BMPR1A: variants seen among roughly 807,000 people sequenced by gnomAD.
BMPR1A encodes the protein bone morphogenetic protein receptor type 1A.
In BMPR1A, 7 loss-of-function variants were observed where a neutral mutation model predicts 66.0. That is an observed-to-expected ratio of 0.11 (90% CI 0.06 to 0.20). The LOEUF is 0.20. BMPR1A is among the 10% of genes least tolerant of loss of function. The pLI is 1.00. For missense variants in BMPR1A, 408 were observed against 669.1 expected (o/e 0.61, Z 4.31); for synonymous variants, 200 against 229.7 (o/e 0.87, Z 1.17).
downstream of BMPR1A, chr10:86,932,174 A>T (rs141913278): frequency 6.6e-6 from 1 of 152,236 alleles, no homozygotes; most frequent in Non-Finnish European, 1.5e-5. Flanking sequence ...TGTATCGTGT[A>T]TGCACACATT....
At position 86,790,171 on chromosome 10, in the gene BMPR1A, AAAAAAAAAAAAAAAAAAATAT is replaced by A. The variant is rs1256371039; in HGVS notation, c.-268+33254_-268+33274del. Among the ~76,000 whole-genome samples the A allele has an allele frequency of 2.4e-3, 83 of 34,134 alleles. 5 individuals are homozygous for A. The highest frequency in any genetic ancestry group is 0.011 in the African/African-American group (63 of 5,788). The allele number at this position is 34,134 out of a possible 152,430, so 22.4% of individuals were successfully genotyped here. A position where few individuals can be genotyped will look rare whatever the true frequency, so the allele number is the denominator to read the frequency against. On this transcript the variant is annotated intron_variant, in intron 1 of 12. Transcript: ENST00000372037. ...AGCGAGACTCTGTCTCCAAAAAAAAAAAAAAAAAAAAAAAAAAATATATATATATATATATATATATATATA... is the reference window on the plus strand; with the variant it reads ...AGCGAGACTCTGTCTCCAAAAAAAAAATATATATATATATATATATATATA...
At chr10:86,915,806 T>C (rs1843560499) in intron 8 of BMPR1A, among the ~76,000 whole-genome samples, 1 of 152,206 alleles carries the variant, frequency 6.6e-6, no homozygotes, top group African/African-American at 2.4e-5. Flanking sequence ...CTAAATCTAG[T>C]CCATTTTAGA....
chr10:86,926,963 A>T lies in BMPR1A; in HGVS notation c.*3244A>T, dbSNP rs533656817. 5 of 189,418 alleles carry T rather than the reference A, an allele frequency of 2.6e-5. No homozygotes were observed. Among genetic ancestry groups the T allele is most frequent in the Non-Finnish European group, 2.2e-5 (2 of 90,252 alleles). The allele number at this position is 189,418 out of a possible 1,614,324, so 11.7% of individuals were successfully genotyped here. ...GTGCTTTTTACTGAACAAGTTTCTG[A>T]TGTATAAAACTTGCATCTGATTTCT... On this transcript the variant is annotated 3_prime_UTR_variant, in exon 13 of 13. Transcript: ENST00000372037.
At chr10:86,778,429 C>T (rs988081964) in intron 1 of BMPR1A, among the ~76,000 whole-genome samples, 6 of 151,912 alleles carry the variant, frequency 3.9e-5, no homozygotes, top group Non-Finnish European at 5.9e-5. Context: ...AGATGTGAGC[C>T]ACCGTGCCTG....
At position 86,823,128 on chromosome 10, in the gene BMPR1A, A is replaced by G. The variant is rs574824875; in HGVS notation, c.-267-15737A>G. Among the ~76,000 whole-genome samples, 9 of 152,300 alleles carry G rather than the reference A, an allele frequency of 5.9e-5. No homozygotes were observed. In the East Asian group the frequency reaches 1.2e-3, roughly 20 times the overall value. ...AATCAACCAGCAAGTGTTTGATGCT[A>G]TTATTAGGCAATGTTATTAAATAAT... On this transcript the variant is annotated intron_variant, in intron 1 of 12. Transcript: ENST00000372037.
At chr10:86,801,721 C>T (rs900059873) in intron 1 of BMPR1A, among the ~76,000 whole-genome samples, 1 of 151,358 alleles carries the variant, frequency 6.6e-6, no homozygotes, top group Non-Finnish European at 1.5e-5. Flanking sequence ...CTGCCTTATT[C>T]TTTTTTTTGT....
At position 86,923,525 on chromosome 10, in the gene BMPR1A, C is replaced by A. The variant is rs754418526; in HGVS notation, c.1473+19C>A. On this transcript the variant is annotated intron_variant, in intron 12 of 12. Transcript: ENST00000372037. ...TGATGAAGTGAGTGGAACTCAGTCCCCTGAAGAAGTGATTCGTAAATGCCA... is the reference window on the plus strand; with the variant it reads ...TGATGAAGTGAGTGGAACTCAGTCCACTGAAGAAGTGATTCGTAAATGCCA... 1.9e-6 allele frequency: 3 copies of A among 1,614,014 alleles called. No individual in the cohort carries two copies. In the Admixed American group the frequency reaches 5.0e-5, roughly 27 times the overall value.
chr10:86,855,231 T>G, intron 2 of BMPR1A: 2 of 1,008,734 alleles, frequency 2.0e-6, no homozygotes, highest in Non-Finnish European at 2.7e-6. Flanking sequence ...CAGAGAGGCT[T>G]CAGGTTTCAG....
chr10:86,845,865 C>T (rs991892063), intron 2 of BMPR1A, among the ~76,000 whole-genome samples: 5 of 151,822 alleles, frequency 3.3e-5, no homozygotes, highest in African/African-American at 9.7e-5. Context: ...GGTGTGATGG[C>T]GGGCGCCTGT....
intron 2 of BMPR1A, among the ~76,000 whole-genome samples, chr10:86,842,490 G>A (rs970941581): frequency 3.9e-5 from 6 of 152,200 alleles, no homozygotes; most frequent in Admixed American, 1.3e-4. Flanking sequence ...GAGAGTTTGA[G>A]GGACAAGGCT....
intron 7 of BMPR1A, among the ~76,000 whole-genome samples, chr10:86,906,485 C>T (rs1589285724): frequency 2.5e-5 from 1 of 40,076 alleles, no homozygotes; most frequent in Non-Finnish European, 3.8e-5. Context: ...TTTGGGAGGC[C>T]GAGGCGGGCG....
In BMPR1A at chr10:86,906,584, C is replaced by T. The variant is rs572623422; in HGVS notation, c.531-5656C>T. The stretch of plus-strand genomic sequence containing the variant: ...AATACAAAAAAAGAAATTAGCCAGG[C>T]GTGGTGGCGGGCGCCTGTAGTCCCA... On this transcript the variant is annotated intron_variant, in intron 7 of 12. Transcript: ENST00000372037. Among the ~76,000 whole-genome samples the T allele has an allele frequency of 7.1e-5, 6 of 84,428 alleles. 2 individuals are homozygous for T. Among genetic ancestry groups the T allele is most frequent in the African/African-American group, 3.3e-4 (4 of 11,974 alleles). The allele number at this position is 84,428 out of a possible 152,430, so 55.4% of individuals were successfully genotyped here.
At chr10:86,854,543 C>T (rs1037917271) in intron 2 of BMPR1A, among the ~76,000 whole-genome samples, 1 of 152,234 alleles carries the variant, frequency 6.6e-6, no homozygotes, top group Non-Finnish European at 1.5e-5. Flanking sequence ...TCCATGAAAT[C>T]TTCACAATCC....
chr10:86,777,569 G>C (rs1841371342), intron 1 of BMPR1A, among the ~76,000 whole-genome samples: 1 of 151,516 alleles, frequency 6.6e-6, no homozygotes, highest in African/African-American at 2.4e-5. Flanking sequence ...GACTGAGCCT[G>C]ACCCTGTCTC....
At chr10:86,805,428 A>G (rs1012813202) in intron 1 of BMPR1A, among the ~76,000 whole-genome samples, 1 of 128,204 alleles carries the variant, frequency 7.8e-6, no homozygotes, top group Non-Finnish European at 1.7e-5. Context: ...GGTTGTATAT[A>G]TTATGCCCCT....
At chr10:86,760,209 T>A (rs1243069666) in intron 1 of BMPR1A, among the ~76,000 whole-genome samples, 11 of 128,362 alleles carry the variant, frequency 8.6e-5, no homozygotes, top group Admixed American at 1.5e-4. Flanking sequence ...TTTTTTTTTT[T>A]AATACCTTAT....
chr10:86,866,359 C>T (rs931215384), intron 2 of BMPR1A, among the ~76,000 whole-genome samples: 9 of 149,172 alleles, frequency 6.0e-5, no homozygotes, highest in Non-Finnish European at 1.2e-4. Context: ...AGCAGCAAAC[C>T]TGCCACTTAC....
Position 86,890,178 on chromosome 10 carries a change from T to C in BMPR1A, c.184T>C (p.Tyr62His). The change falls in exon 4 of 13, where the codon TAT becomes CAT. Residue 62 changes from tyrosine (Y) to histidine (H), a missense_variant. By Grantham distance (83) the Tyr-to-His change is moderately conservative. This residue lies in a region of BMPR1A where 68 missense variants were observed against 83.0 expected (regional missense o/e 0.82). Coordinates refer to ENST00000372037, the MANE Select transcript of BMPR1A (RefSeq NM_004329.3). ...PEDTLPFLKC[Y>H]CSGHCPDDAI... ...GGATACCTTGCCTTTTTTAAAGTGC[T>C]ATTGCTCAGGGCACTGTCCAGATGA... The C allele has an allele frequency of 6.2e-7, 1 of 1,614,190 alleles. No individual in the cohort carries two copies. Among genetic ancestry groups the C allele is most frequent in the Non-Finnish European group, 8.5e-7 (1 of 1,180,020 alleles).
rs1180642789 is a variant in BMPR1A at position 86,924,408 on chromosome 10, G to A, written c.*689G>A. On this transcript the variant is annotated 3_prime_UTR_variant, in exon 13 of 13. Transcript: ENST00000372037. ...CTCATACAAGCCATTTACTTTGCAA[G>A]TGAGATAGCTTCCCCACCAGCTTTA... The A allele has an allele frequency of 4.3e-6, 1 of 233,754 alleles. No individual in the cohort carries two copies. Among genetic ancestry groups the A allele is most frequent in the African/African-American group, 2.2e-5 (1 of 45,368 alleles). 14.5% of individuals were successfully genotyped at this position (233,754 alleles called of 1,614,324 possible).
Sources: gnomAD v4.1 joint callset for allele counts (sites outside exome capture counted in the v4.1 genomes callset) on GRCh38, gnomAD v4.1.1 for gene constraint, gnomAD v4.1.1 regional missense constraint, MANE v1.5 for transcripts, NCBI Gene and HGNC (gene_info 2026-07-23, HGNC 2026-07-21) for gene names.